HTRA1: variants seen among roughly 807,000 people sequenced by gnomAD.
HTRA1 encodes the protein serine protease HTRA1.
In HTRA1, 26 loss-of-function variants were observed where a neutral mutation model predicts 49.7. The ratio of observed to expected loss-of-function variants is 0.52; its 90% CI spans 0.38 to 0.73. HTRA1 has a LOEUF of 0.73. Ranked by LOEUF, HTRA1 falls within the 30% of genes least tolerant of loss-of-function variation. HTRA1 has a pLI of 0.00. For missense variants in HTRA1, 561 were observed against 667.2 expected, an observed-to-expected ratio of 0.84 and a Z score of 1.75; for synonymous variants, 291 against 286.9, an observed-to-expected ratio of 1.01 and a Z score of -0.14.
intron 6 of HTRA1, 65 bp from the exon 7 acceptor site, chr10:122,510,031 C>T: frequency 7.1e-7 from 1 of 1,410,192 alleles, no homozygotes; most frequent in Non-Finnish European, 1.0e-6. Flanking sequence ...GCCCCCGGCC[C>T]CTGGTGTCCC....
chr10:122,485,138 T>C (rs927585029), intron 1 of HTRA1, among the ~76,000 whole-genome samples: 5 of 152,224 alleles, frequency 3.3e-5, no homozygotes, highest in Admixed American at 2.0e-4. Context: ...CACTCTGAAA[T>C]GGCGTTTGGA....
rs375362510 is a variant in HTRA1, at chr10:122,508,802, C to T, written c.1120+32C>T. The T allele has an allele frequency of 1.6e-4, 206 of 1,297,652 alleles. 1 individual carries two copies. The highest frequency in any genetic ancestry group is 1.5e-3 in the African/African-American group (102 of 68,900). 80.4% of individuals were successfully genotyped at this position (1,297,652 alleles called of 1,614,324 possible). ...AAGGCCCACACAGCCCTGGGGACTC[C>T]GGAGATGGGGCCTGAAGCTCAGCTG... On this transcript the variant is annotated intron_variant, in intron 6 of 8. Coordinates refer to ENST00000368984, the MANE Select transcript of HTRA1 (RefSeq NM_002775.5).
intron 1 of HTRA1, among the ~76,000 whole-genome samples, chr10:122,470,636 G>C (rs112257924): frequency 6.6e-6 from 1 of 151,906 alleles, no homozygotes; most frequent in African/African-American, 2.4e-5. Context: ...CAATGCTTCA[G>C]TGCTAGGAAT....
rs1256071767 is a variant in HTRA1, at chr10:122,506,867, G to C, written c.954G>C (p.Gln318His). 1 of 1,613,672 alleles carries C rather than the reference G, an allele frequency of 6.2e-7. No homozygotes were observed. The highest frequency in any genetic ancestry group is 8.5e-7 in the Non-Finnish European group (1 of 1,180,006). The change falls in exon 4 of 9, where the codon CAG becomes CAC. Residue 318 changes from glutamine (Q) to histidine (H), a missense_variant. Around this residue, in one of 3 missense-constraint regions of HTRA1, gnomAD observed 271 missense variants for 410.0 expected, o/e 0.66. Transcript: ENST00000368984. This position sits in a 1 kb window ranked among gnomAD's most constrained non-coding sequence, Gnocchi z 5.2. ...GCAACTCAGACATGGACTACATCCA[G>C]ACCGACGCCATCATCAACGTGAGCC... ...GLRNSDMDYI[Q>H]TDAIINYGNS...
Position 122,500,966 on chromosome 10 carries a change from G to A in HTRA1, c.778-5725G>A, listed in dbSNP as rs144125696. 1.2e-3 allele frequency among the ~76,000 whole-genome samples: 187 copies of A among 152,288 alleles called. 1 individual carries two copies. Among genetic ancestry groups the A allele is most frequent in the Non-Finnish European group, 2.4e-3 (164 of 68,028 alleles). ...CCCTGTCCCTGTGGAGTGATCCGGG[G>A]CACAAGGGCAGCTGTTTCCCCGCTG... On this transcript the variant is annotated intron_variant, in intron 3 of 8. Transcript: ENST00000368984.
At chr10:122,466,882 C>A (rs1336952718) in intron 1 of HTRA1, among the ~76,000 whole-genome samples, 2 of 152,138 alleles carry the variant, frequency 1.3e-5, no homozygotes, top group African/African-American at 4.8e-5. Flanking sequence ...CGGCTGCCTT[C>A]TTTTATTGCT....
intron 3 of HTRA1, among the ~76,000 whole-genome samples, chr10:122,496,083 T>TCAG (rs1172736366): frequency 2.0e-5 from 3 of 152,072 alleles, no homozygotes; most frequent in Non-Finnish European, 2.9e-5. Context: ...TGGCAGGCAA[T>TCAG]TAACACCTTG....
At chr10:122,511,896 G>T (rs1441506294) in intron 7 of HTRA1, 74 bp from the exon 8 acceptor site, 4 of 1,041,962 alleles carry the variant, frequency 3.8e-6, no homozygotes, top group Non-Finnish European at 6.1e-6. Context: ...ACGGGAACTG[G>T]TGAGAGCTGA....
At chr10:122,479,532 A>G (rs532121030) in intron 1 of HTRA1, among the ~76,000 whole-genome samples, 1 of 152,312 alleles carries the variant, frequency 6.6e-6, no homozygotes, top group South Asian at 2.1e-4. Context: ...TACAATAAAT[A>G]GATCCTATTA....
intron 1 of HTRA1, among the ~76,000 whole-genome samples, chr10:122,468,886 C>T (rs1359829866): frequency 6.6e-6 from 1 of 152,128 alleles, no homozygotes; most frequent in Non-Finnish European, 1.5e-5. Flanking sequence ...AGATTTGTCA[C>T]ATCTTAAGGA....
intron 1 of HTRA1, among the ~76,000 whole-genome samples, chr10:122,478,172 A>C (rs545332358): frequency 6.6e-6 from 1 of 152,342 alleles, no homozygotes; most frequent in South Asian, 2.1e-4. Flanking sequence ...AAGTGGAAGA[A>C]ATCAGGTGAA....
At chr10:122,508,841 G>C (rs1177525564) in intron 6 of HTRA1, 71 bp downstream of exon 6, 1 of 945,034 alleles carries the variant, frequency 1.1e-6, no homozygotes, top group African/African-American at 1.6e-5. Flanking sequence ...TTTGGGACTT[G>C]GGGAAGGGAA....
chr10:122,499,614 G>A (rs12413729), intron 3 of HTRA1, among the ~76,000 whole-genome samples: 2,918 of 152,082 alleles, frequency 0.019, 75 homozygotes, highest in East Asian at 0.14. Context: ...CCAGCTTGGC[G>A]CACTCCCTCA....
chr10:122,475,392 C>T (rs577064096), intron 1 of HTRA1, among the ~76,000 whole-genome samples: 4 of 152,224 alleles, frequency 2.6e-5, no homozygotes, highest in Non-Finnish European at 4.4e-5. Context: ...CCGGCTCCCC[C>T]GCCTCTTCCT....
intron 3 of HTRA1, among the ~76,000 whole-genome samples, chr10:122,498,982 T>G (rs1452312988): frequency 6.6e-6 from 1 of 152,036 alleles, no homozygotes; most frequent in African/African-American, 2.4e-5. Flanking sequence ...CTGGAAAGGA[T>G]GTAGGCACAG....
chr10:122,475,624 G>T (rs530484990), intron 1 of HTRA1, among the ~76,000 whole-genome samples: 4 of 152,356 alleles, frequency 2.6e-5, no homozygotes, highest in South Asian at 2.1e-4. Context: ...CGGCCCTGAT[G>T]GTGCATAGGG....
intron 3 of HTRA1, among the ~76,000 whole-genome samples, chr10:122,504,580 G>A (rs2943483): frequency 0.045 from 6,831 of 152,146 alleles, 168 homozygotes; most frequent in Middle Eastern, 0.054. Flanking sequence ...TTTACCTGTC[G>A]CAAGCCCAGC....
chr10:122,510,102 CCAT>C lies in HTRA1; in HGVS notation c.1130_1132del (p.Ile377del). ...CCCTTTGTTGTCTCACCAGGAAAAG[CCAT>C]CACCAAGAAGAAGTATATTGGTATC... On this transcript the variant is annotated inframe_deletion, in exon 7 of 9. Coordinates refer to ENST00000368984, the MANE Select transcript of HTRA1 (RefSeq NM_002775.5). 2 of 1,613,878 alleles carry C rather than the reference CCAT, an allele frequency of 1.2e-6. No homozygotes were observed. Among genetic ancestry groups the C allele is most frequent in the Non-Finnish European group, 1.7e-6 (2 of 1,179,748 alleles).
chr10:122,491,072 A>T (rs917291479), intron 3 of HTRA1, among the ~76,000 whole-genome samples: 1 of 152,200 alleles, frequency 6.6e-6, no homozygotes, highest in Admixed American at 6.5e-5. Context: ...TTCTAGCGAC[A>T]ACTAATCTTT....
Sources: gnomAD v4.1 joint callset for allele counts (sites outside exome capture counted in the v4.1 genomes callset) on GRCh38, gnomAD v4.1.1 for gene constraint, gnomAD v4.1.1 regional missense constraint, Gnocchi (gnomAD v3.1) non-coding constraint, MANE v1.5 for transcripts, NCBI Gene and HGNC (gene_info 2026-07-23, HGNC 2026-07-21) for gene names.